The following MEIOC variants were observed in gnomAD, a reference collection of about 807,000 sequenced individuals.
The protein encoded by MEIOC is meiosis specific with coiled-coil domain.
Under a neutral mutation model 85.3 loss-of-function variants are expected in MEIOC, and 9 were observed. The observed-to-expected ratio is 0.11, with a 90% CI of 0.06 to 0.18. MEIOC has a LOEUF of 0.18. Among genes scored for constraint, MEIOC ranks in the 10% least tolerant of loss-of-function variants. MEIOC has a pLI of 1.00. For synonymous variants in MEIOC, 365 were observed against 393.7 expected, an observed-to-expected ratio of 0.93 and a Z score of 0.86; for missense variants, 898 against 1,129.4, an observed-to-expected ratio of 0.80 and a Z score of 2.94.
At chr17:44,665,583 A>G (rs1971892751) in intron 4 of MEIOC, 95 bp downstream of exon 4, 2 of 470,942 alleles carry the variant, frequency 4.2e-6, no homozygotes, top group African/African-American at 2.0e-5. Flanking sequence ...TTAATAGTGG[A>G]TCATCTGACA....
At chr17:44,657,775 A>G (rs1971785630) in intron 2 of MEIOC, among the ~76,000 whole-genome samples, 2 of 151,190 alleles carry the variant, frequency 1.3e-5, no homozygotes, top group South Asian at 4.2e-4. Flanking sequence ...CTGGTCTCGA[A>G]CTCCCAACCT....
chr17:44,664,108 C>T (rs901588448), intron 3 of MEIOC, among the ~76,000 whole-genome samples: 7 of 152,138 alleles, frequency 4.6e-5, no homozygotes, highest in African/African-American at 9.6e-5. Context: ...TGGTGGCTCA[C>T]GCCTGTAATC....
chr17:44,656,961 G>C (rs1367172561), intron 1 of MEIOC, among the ~76,000 whole-genome samples, 166 bp from the exon 2 acceptor site: 2 of 152,150 alleles, frequency 1.3e-5, no homozygotes, highest in African/African-American at 4.8e-5. Context: ...GGCCCGAGGG[G>C]AGAGTGAGAA....
At chr17:44,663,297 G>GATA (rs1971863871) in intron 3 of MEIOC, among the ~76,000 whole-genome samples, 1 of 151,624 alleles carries the variant, frequency 6.6e-6, no homozygotes, top group Non-Finnish European at 1.5e-5. Flanking sequence ...TGATGATGAT[G>GATA]ATGATGATGA....
chr17:44,658,787 CCT>C (rs1435180106), intron 2 of MEIOC, among the ~76,000 whole-genome samples: 1 of 143,830 alleles, frequency 7.0e-6, no homozygotes. Flanking sequence ...AGTGAGACTC[CCT>C]CTCAAAAAAA....
Position 44,674,154 on chromosome 17 carries a change from T to C in MEIOC, c.2817T>C (p.Ser939=), listed in dbSNP as rs1391751698. 1.3e-6 allele frequency: 2 copies of C among 1,551,430 alleles called. No homozygotes were observed. Among genetic ancestry groups the C allele is most frequent in the East Asian group, 2.4e-5 (1 of 40,928 alleles). Residue 939 remains serine (S), a synonymous_variant, in exon 8 of 8, where the codon AGT becomes AGC. Transcript: ENST00000409122. ...ATAAAGTCCATGAAAGCATAAATAG[T>C]AGCAATCCAATGAACCAGAGAGGTG... ...CEDKVHESIN[S]SNPMNQRGET...
At position 44,667,103 on chromosome 17, in the gene MEIOC, A is replaced by G; in HGVS notation, c.1192A>G (p.Thr398Ala). Residue 398 changes from threonine to alanine, a missense_variant, in exon 5 of 8, where the codon ACG (threonine) becomes GCG (alanine). Around this residue, in one of 2 missense-constraint regions of MEIOC, gnomAD observed 734 missense variants for 860.1 expected, o/e 0.85. Transcript: ENST00000409122. ...DQQNFTFPKT[T>A]PHLTEKQFAK... ...GCAGAATTTCACATTTCCAAAAACT[A>G]CGCCACATCTGACAGAGAAACAGTT... 1 of 1,613,820 alleles carries G rather than the reference A, an allele frequency of 6.2e-7. No homozygotes were observed.
rs532043432 is a variant in MEIOC at position 44,667,844 on chromosome 17, A to G, written c.1933A>G (p.Asn645Asp). The change falls in exon 5 of 8, where the codon AAT (asparagine) becomes GAT (aspartate). Residue 645 changes from asparagine to aspartate, a missense_variant. Asn to Asp is a conservative substitution (Grantham distance 23, BLOSUM62 1). This residue lies in a region of MEIOC where 734 missense variants were observed against 860.1 expected (regional missense o/e 0.85). Transcript: ENST00000409122. Reference sequence around the variant, plus strand: ...TCTACTGGAGTCACAGGGTCATTCTAATAGCCACAGAACGAGAGGTGGAGA... The same window carrying G: ...TCTACTGGAGTCACAGGGTCATTCTGATAGCCACAGAACGAGAGGTGGAGA... ...QDLLESQGHS[N>D]SHRTRGGDNS... is the part of the protein sequence containing the mutation. 5.0e-6 allele frequency: 8 copies of G among 1,613,864 alleles called. No homozygotes were observed. Among genetic ancestry groups the G allele is most frequent in the Middle Eastern group, 1.6e-4 (1 of 6,082 alleles).
chr17:44,660,679 T>G (rs1248327138), intron 2 of MEIOC, among the ~76,000 whole-genome samples: 1 of 152,216 alleles, frequency 6.6e-6, no homozygotes, highest in Non-Finnish European at 1.5e-5. Context: ...TCAGTCTTCT[T>G]TAAGGAAGCA....
intron 5 of MEIOC, 32 bp from the exon 6 acceptor site, chr17:44,669,351 T>C: frequency 6.6e-7 from 1 of 1,508,168 alleles, no homozygotes; most frequent in Non-Finnish European, 9.0e-7. Context: ...TTTAGAAAAT[T>C]CTACATCTAA....
chr17:44,676,713 T>G (rs1972080504), downstream of MEIOC, among the ~76,000 whole-genome samples: 1 of 152,016 alleles, frequency 6.6e-6, no homozygotes, highest in Admixed American at 6.5e-5. Context: ...TCTCAGCTAC[T>G]TGGGAGGGGG....
intron 4 of MEIOC, 35 bp from the exon 5 acceptor site, chr17:44,666,341 C>T (rs1454566514): frequency 6.7e-7 from 1 of 1,485,032 alleles, no homozygotes; most frequent in Admixed American, 2.5e-5. Flanking sequence ...GTCTTTAAAA[C>T]CTAAGTTGTA....
chr17:44,657,120 G>A lies in MEIOC; in HGVS notation c.70-7G>A. On this transcript the variant is annotated splice_polypyrimidine_tract_variant and splice_region_variant and intron_variant, in intron 1 of 7. Transcript: ENST00000409122. Reference sequence around the variant, plus strand: ...TTTCTGATATTTCCTATTCCCGTGTGCTGCAGCCCAAAGTCGCGTTCCCCG... The same window carrying A: ...TTTCTGATATTTCCTATTCCCGTGTACTGCAGCCCAAAGTCGCGTTCCCCG... The A allele has an allele frequency of 6.5e-7, 1 of 1,548,124 alleles. No homozygotes were observed. Among genetic ancestry groups the A allele is most frequent in the Non-Finnish European group, 8.7e-7 (1 of 1,146,338 alleles).
chr17:44,662,823 A>T (rs1297459577), intron 3 of MEIOC, among the ~76,000 whole-genome samples: 3 of 151,944 alleles, frequency 2.0e-5, no homozygotes, highest in Non-Finnish European at 4.4e-5. Context: ...AGCTAACTTT[A>T]AAAAAATTTG....
At chr17:44,670,007 A>G (rs1971978434) in intron 6 of MEIOC, 1 of 153,468 alleles carries the variant, frequency 6.5e-6, no homozygotes, top group Non-Finnish European at 1.4e-5. Flanking sequence ...GCAGTGGCTC[A>G]CACCTGTAAT....
In MEIOC at chr17:44,674,363, T is replaced by G; in HGVS notation, c.*167T>G. On this transcript the variant is annotated 3_prime_UTR_variant, in exon 8 of 8. Coordinates refer to ENST00000409122, the MANE Select transcript of MEIOC (RefSeq NM_001145080.3). ...CTATTTAAAAATCTTCTATTTGAAGTGAATCCGATATAGTTTTAAGTAAAC... is the reference window on the plus strand; with the variant it reads ...CTATTTAAAAATCTTCTATTTGAAGGGAATCCGATATAGTTTTAAGTAAAC... 7.1e-7 allele frequency: 1 copy of G among 1,405,632 alleles called. No homozygotes were observed. Among genetic ancestry groups the G allele is most frequent in the Non-Finnish European group, 9.2e-7 (1 of 1,081,768 alleles). The allele number at this position is 1,405,632 out of a possible 1,614,324, so 87.1% of individuals were successfully genotyped here. A position where few individuals can be genotyped will look rare whatever the true frequency, so the allele number is the denominator to read the frequency against.
chr17:44,662,695 A>G (rs945080683), intron 3 of MEIOC, among the ~76,000 whole-genome samples: 3 of 152,202 alleles, frequency 2.0e-5, no homozygotes, highest in African/African-American at 7.2e-5. Context: ...TCTGTCACCC[A>G]GTCTGGAGTG....
At position 44,675,739 on chromosome 17, in the gene MEIOC, A is replaced by T. The variant is rs1009833677; in HGVS notation, c.*1543A>T. ...TTTAACATAAGACATGTTGGATGTTATAAAAACAAATACTGTACTGAATTT... is the reference window on the plus strand; with the variant it reads ...TTTAACATAAGACATGTTGGATGTTTTAAAAACAAATACTGTACTGAATTT... On this transcript the variant is annotated 3_prime_UTR_variant, in exon 8 of 8. Coordinates refer to ENST00000409122, the MANE Select transcript of MEIOC (RefSeq NM_001145080.3). The T allele has an allele frequency of 2.1e-6, 2 of 969,366 alleles. No individual in the cohort carries two copies. Among genetic ancestry groups the T allele is most frequent in the Non-Finnish European group, 2.5e-6 (2 of 815,348 alleles). The allele number at this position is 969,366 out of a possible 1,614,324, so 60.0% of individuals were successfully genotyped here.
In MEIOC at chr17:44,674,372, T is replaced by C; in HGVS notation, c.*176T>C. 7.2e-6 allele frequency: 10 copies of C among 1,395,000 alleles called. No individual in the cohort carries two copies. The highest frequency in any genetic ancestry group is 2.6e-5 in the East Asian group (1 of 39,122). 86.4% of individuals were successfully genotyped at this position (1,395,000 alleles called of 1,614,324 possible). On this transcript the variant is annotated 3_prime_UTR_variant, in exon 8 of 8. Transcript: ENST00000409122. Reference sequence around the variant, plus strand: ...AATCTTCTATTTGAAGTGAATCCGATATAGTTTTAAGTAAACGCAAAGGTA... The same window carrying C: ...AATCTTCTATTTGAAGTGAATCCGACATAGTTTTAAGTAAACGCAAAGGTA...
Sources: gnomAD v4.1 joint callset for allele counts (sites outside exome capture counted in the v4.1 genomes callset) on GRCh38, gnomAD v4.1.1 for gene constraint, gnomAD v4.1.1 regional missense constraint, MANE v1.5 for transcripts, NCBI Gene and HGNC (gene_info 2026-07-23, HGNC 2026-07-21) for gene names.